The following ZNF93 variants were observed in gnomAD, a reference collection of about 807,000 sequenced individuals.
The protein encoded by ZNF93 is zinc finger protein 93.
In ZNF93, 29 loss-of-function variants were observed where a neutral mutation model predicts 45.0. The observed-to-expected ratio is 0.64, with a 90% CI of 0.48 to 0.88. The LOEUF (loss-of-function observed/expected upper bound fraction) is 0.88, where lower values mean the gene tolerates loss of function less well. ZNF93 is among the 40% of genes least tolerant of loss of function. The pLI, the probability that ZNF93 is intolerant of heterozygous loss-of-function variation, is 0.00. For missense variants in ZNF93, 578 were observed against 724.0 expected, an observed-to-expected ratio of 0.80 and a Z score of 2.31; for synonymous variants, 223 against 244.6, an observed-to-expected ratio of 0.91 and a Z score of 0.82.
At position 19,934,876 on chromosome 19, in the gene ZNF93, G is replaced by A. The variant is rs926609305; in HGVS notation, c.*58G>A. Reference sequence around the variant, plus strand: ...GTCCTCACACCTTACTATACACTGAGAGTTCTGAACTTACTCTGTAACCAT... The same window carrying A: ...GTCCTCACACCTTACTATACACTGAAAGTTCTGAACTTACTCTGTAACCAT... On this transcript the variant is annotated 3_prime_UTR_variant, in exon 4 of 4. Coordinates refer to ENST00000343769, the MANE Select transcript of ZNF93 (RefSeq NM_031218.4). The A allele has an allele frequency of 1.0e-4, 152 of 1,527,454 alleles. 1 individual carries two copies. Among genetic ancestry groups the A allele is most frequent in the Non-Finnish European group, 1.3e-4 (142 of 1,133,384 alleles). 94.6% of individuals were successfully genotyped at this position (1,527,454 alleles called of 1,614,324 possible).
At chr19:19,918,218 G>A (rs2063330711) in intron 3 of ZNF93, among the ~76,000 whole-genome samples, 1 of 150,856 alleles carries the variant, frequency 6.6e-6, no homozygotes, top group South Asian at 2.1e-4. Context: ...TTTTGTCCTT[G>A]CGATAGTTTG....
intron 3 of ZNF93, 174 bp from the exon 4 acceptor site, chr19:19,933,008 A>G: frequency 2.1e-6 from 1 of 473,992 alleles, no homozygotes; most frequent in East Asian, 3.7e-5. Flanking sequence ...CATTTGTGCC[A>G]TTTTGGTTTG....
chr19:19,925,858 T>C (rs977890753), intron 3 of ZNF93, among the ~76,000 whole-genome samples: 7 of 152,170 alleles, frequency 4.6e-5, no homozygotes, highest in Admixed American at 3.3e-4. Context: ...AAAATTGGAT[T>C]ACAGCAGTTT....
At position 19,934,690 on chromosome 19, in the gene ZNF93, A is replaced by G. The variant is rs552341092; in HGVS notation, c.1735A>G (p.Thr579Ala). Residue 579 changes from threonine (T) to alanine (A), a missense_variant, in exon 4 of 4, where the codon ACC becomes GCC. Thr to Ala is a moderately conservative substitution (Grantham distance 58). Transcript: ENST00000343769. ...ECGKAFNHSA[T>A]LSSHKKIHSG... Reference sequence around the variant, plus strand: ...TGGCAAAGCTTTTAACCATTCTGCAACCCTTTCTTCACATAAGAAAATCCA... The same window carrying G: ...TGGCAAAGCTTTTAACCATTCTGCAGCCCTTTCTTCACATAAGAAAATCCA... The G allele has an allele frequency of 3.1e-6, 5 of 1,613,630 alleles. No homozygotes were observed. In the East Asian group the frequency reaches 6.7e-5, roughly 22 times the overall value.
chr19:19,926,597 C>T (rs775956983), intron 3 of ZNF93, among the ~76,000 whole-genome samples: 13 of 151,106 alleles, frequency 8.6e-5, no homozygotes, highest in Non-Finnish European at 1.5e-4. Flanking sequence ...GATTGTGGTT[C>T]GTGCCTCAGC....
At position 19,900,958 on chromosome 19, in the gene ZNF93, A is replaced by C; in HGVS notation, c.-131A>C. The stretch of plus-strand genomic sequence containing the variant: ...TGGCGGGTCCTTTGTCTCTCGGTGC[A>C]GCCGGAGCTCCAGGTCTCCTCTTCA... On this transcript the variant is annotated 5_prime_UTR_variant, in exon 1 of 4. Coordinates refer to ENST00000343769, the MANE Select transcript of ZNF93 (RefSeq NM_031218.4). The C allele has an allele frequency of 6.9e-7, 1 of 1,458,902 alleles. No homozygotes were observed. The highest frequency in any genetic ancestry group is 1.8e-4 in the Middle Eastern group (1 of 5,594). 90.4% of individuals were successfully genotyped at this position (1,458,902 alleles called of 1,614,324 possible).
intron 3 of ZNF93, among the ~76,000 whole-genome samples, chr19:19,925,687 C>G (rs533720166): frequency 1.3e-5 from 2 of 152,064 alleles, no homozygotes; most frequent in East Asian, 3.9e-4. Context: ...TTGCTGCAGG[C>G]AAAAAGGAAT....
chr19:19,904,547 C>T (rs374778422), intron 1 of ZNF93, among the ~76,000 whole-genome samples: 1 of 152,020 alleles, frequency 6.6e-6, no homozygotes, highest in African/African-American at 2.4e-5. Flanking sequence ...TGTTGTGGAA[C>T]TGAGCCCTGA....
Position 19,934,647 on chromosome 19 carries a change from T to G in ZNF93, c.1692T>G (p.Pro564=). The part of the protein sequence containing the change: ...THKILHTGEK[P]YRCRECGKAF... Reference sequence around the variant, plus strand: ...AGATACTTCATACTGGAGAGAAACCTTATAGATGTAGAGAATGTGGCAAAG... The same window carrying G: ...AGATACTTCATACTGGAGAGAAACCGTATAGATGTAGAGAATGTGGCAAAG... The change falls in exon 4 of 4, where the codon CCT becomes CCG. Residue 564 remains proline (P), a synonymous_variant. Coordinates refer to ENST00000343769, the MANE Select transcript of ZNF93 (RefSeq NM_031218.4). 1.2e-6 allele frequency: 2 copies of G among 1,612,588 alleles called. No individual in the cohort carries two copies. Among genetic ancestry groups the G allele is most frequent in the South Asian group, 2.2e-5 (2 of 90,964 alleles).
chr19:19,932,571 CT>C (rs1568513925), intron 3 of ZNF93: 1 of 152,174 alleles, frequency 6.6e-6, no homozygotes, highest in Non-Finnish European at 1.5e-5. Context: ...TTTGTGTCTA[CT>C]GAATGATTTG....
intron 3 of ZNF93, among the ~76,000 whole-genome samples, chr19:19,925,692 AG>A (rs1239292378): frequency 2.6e-5 from 4 of 152,224 alleles, no homozygotes; most frequent in Non-Finnish European, 5.9e-5. Context: ...GCAGGCAAAA[AG>A]GAATTAAAGG....
chr19:19,907,937 G>A (rs1039103699), intron 1 of ZNF93: 1 of 152,140 alleles, frequency 6.6e-6, no homozygotes, highest in African/African-American at 2.4e-5. Context: ...AATATAAAGT[G>A]TTTGAAGTAT....
At chr19:19,927,802 GC>G (rs1408744453) in intron 3 of ZNF93, among the ~76,000 whole-genome samples, 6 of 152,208 alleles carry the variant, frequency 3.9e-5, no homozygotes, top group African/African-American at 1.4e-4. Context: ...AGGCTAAAGT[GC>G]AGTGGTGCAA....
chr19:19,914,870 TG>T (rs1568508670), intron 1 of ZNF93: 1 of 335,118 alleles, frequency 3.0e-6, no homozygotes, highest in South Asian at 2.4e-5. Context: ...CCAGATCTTC[TG>T]GGAAAAAACC....
At chr19:19,925,984 C>T (rs964373256) in intron 3 of ZNF93, 7 of 151,818 alleles carry the variant, frequency 4.6e-5, no homozygotes, top group African/African-American at 1.2e-4. Flanking sequence ...GGCATATTCT[C>T]TGAAATTTTA....
chr19:19,919,769 T>C (rs1355403024), intron 3 of ZNF93, among the ~76,000 whole-genome samples: 1 of 152,236 alleles, frequency 6.6e-6, no homozygotes, highest in Non-Finnish European at 1.5e-5. Flanking sequence ...GTTATTGGTG[T>C]ATAAGAATGC....
chr19:19,906,775 G>A (rs1335305423), intron 1 of ZNF93, among the ~76,000 whole-genome samples: 1 of 151,918 alleles, frequency 6.6e-6, no homozygotes, highest in Non-Finnish European at 1.5e-5. Context: ...CACCATTTAT[G>A]AAATAAGTAA....
Position 19,934,417 on chromosome 19 carries a change from A to G in ZNF93, c.1462A>G (p.Lys488Glu). ...EKPYKCEECG[K>E]AFNQSSSLTK... ...ACCCTACAAATGTGAAGAATGTGGC[A>G]AAGCTTTTAACCAGTCCTCTTCCCT... Residue 488 changes from lysine (K) to glutamate (E), a missense_variant, in exon 4 of 4, where the codon AAA (lysine) becomes GAA (glutamate). By Grantham distance (56) the Lys-to-Glu change is moderately conservative (BLOSUM62 1). Transcript: ENST00000343769. 6.2e-7 allele frequency: 1 copy of G among 1,613,616 alleles called. No homozygotes were observed. The highest frequency in any genetic ancestry group is 1.6e-4 in the Middle Eastern group (1 of 6,062).
At chr19:19,930,679 C>T (rs897740106) in intron 3 of ZNF93, among the ~76,000 whole-genome samples, 2 of 152,286 alleles carry the variant, frequency 1.3e-5, no homozygotes, top group South Asian at 4.1e-4. Flanking sequence ...GTCCCCTCAG[C>T]TCCTATCTCT....
Sources: allele counts gnomAD v4.1 joint callset (sites outside exome capture counted in the v4.1 genomes callset), GRCh38; gene constraint gnomAD v4.1.1; transcripts MANE v1.5; gene names NCBI Gene and HGNC (gene_info 2026-07-23, HGNC 2026-07-21).